The following EYA3 variants were observed in gnomAD, a reference collection of about 807,000 sequenced individuals.
The protein encoded by EYA3 is EYA transcriptional coactivator and phosphatase 3.
A neutral mutation model predicts 80.0 loss-of-function variants in EYA3; 39 were observed. The ratio of observed to expected loss-of-function variants is 0.49; its 90% CI spans 0.38 to 0.64. The LOEUF (loss-of-function observed/expected upper bound fraction) is 0.64, where lower values mean the gene tolerates loss of function less well. Ranked by LOEUF, EYA3 falls within the 30% of genes least tolerant of loss-of-function variation. EYA3 has a pLI of 0.00. For missense variants in EYA3, 523 were observed against 676.1 expected, an observed-to-expected ratio of 0.77 and a Z score of 2.51; for synonymous variants, 206 against 232.8, an observed-to-expected ratio of 0.88 and a Z score of 1.05.
chr1:28,027,221 T>C (rs1642841615), intron 7 of EYA3, among the ~76,000 whole-genome samples: 1 of 152,210 alleles, frequency 6.6e-6, no homozygotes, highest in African/African-American at 2.4e-5. Flanking sequence ...CTAATAGTCC[T>C]GTCATAATTC....
At chr1:28,082,813 T>C (rs985276569) in intron 1 of EYA3, among the ~76,000 whole-genome samples, 1 of 152,226 alleles carries the variant, frequency 6.6e-6, no homozygotes, top group African/African-American at 2.4e-5. Flanking sequence ...AAATAGTGAC[T>C]TATCTCCAAG....
At chr1:27,996,412 GA>G (rs767529459) in intron 13 of EYA3, among the ~76,000 whole-genome samples, 15 of 150,906 alleles carry the variant, frequency 9.9e-5, no homozygotes, top group Admixed American at 3.3e-4. Flanking sequence ...CGTATAAGAG[GA>G]AAAAAAACAA....
At chr1:28,061,173 G>A (rs1333555161) in intron 1 of EYA3, among the ~76,000 whole-genome samples, 1 of 152,224 alleles carries the variant, frequency 6.6e-6, no homozygotes, top group Non-Finnish European at 1.5e-5. Flanking sequence ...CATACAATGT[G>A]TGGGAAGTTT....
chr1:27,981,437 A>G (rs1366591735), intron 16 of EYA3, among the ~76,000 whole-genome samples: 4 of 152,208 alleles, frequency 2.6e-5, no homozygotes, highest in Non-Finnish European at 5.9e-5. Flanking sequence ...TGGGAGGCTC[A>G]GTGAGTGCTC....
intron 9 of EYA3, among the ~76,000 whole-genome samples, chr1:28,011,881 C>T (rs1481244310): frequency 6.6e-6 from 1 of 152,110 alleles, no homozygotes; most frequent in Non-Finnish European, 1.5e-5. Flanking sequence ...GCGATAAAAA[C>T]TGTATATGCT....
At chr1:28,087,733 T>G (rs113156082) in intron 1 of EYA3, among the ~76,000 whole-genome samples, 9,765 of 152,264 alleles carry the variant, frequency 0.064, 377 homozygotes, top group Middle Eastern at 0.11. Flanking sequence ...CTGACAGAAC[T>G]TCTTCATGAC....
At chr1:28,017,102 G>T in intron 8 of EYA3, 52 bp downstream of exon 8, 2 of 1,477,218 alleles carry the variant, frequency 1.4e-6, no homozygotes, top group South Asian at 2.3e-5. Flanking sequence ...AAAGAAGAAA[G>T]AGCAAGCTGG....
rs150955487 is a variant in EYA3, at chr1:28,035,311, A to G, written c.361+233T>C. 1.0e-3 allele frequency among the ~76,000 whole-genome samples: 158 copies of G among 152,316 alleles called. 1 individual carries two copies. The highest frequency in any genetic ancestry group is 1.6e-3 in the Non-Finnish European group (109 of 68,026). ...ATAGCAAATCCTCAAAGAATTTACC[A>G]AACACTTAAAGATTCCAAGCTTCAG... is the stretch of plus-strand genomic sequence containing the variant. On this transcript the variant is annotated intron_variant, in intron 6 of 17. Transcript: ENST00000373871.
chr1:28,082,379 C>T (rs2148958192), intron 1 of EYA3, among the ~76,000 whole-genome samples: 1 of 152,010 alleles, frequency 6.6e-6, no homozygotes, highest in South Asian at 2.1e-4. Flanking sequence ...TTTATTTGGG[C>T]TTAATAAAGG....
At chr1:28,033,640 GTATTATTAT>G (rs142552670) in intron 6 of EYA3, among the ~76,000 whole-genome samples, 5 of 141,066 alleles carry the variant, frequency 3.5e-5, no homozygotes, top group Admixed American at 1.5e-4. Flanking sequence ...CTTTTTTAAT[GTATTATTAT>G]TATTATTATT....
chr1:28,073,125 ATATTTTTTT>A (rs1213623275), intron 1 of EYA3, among the ~76,000 whole-genome samples: 9 of 32,580 alleles, frequency 2.8e-4, no homozygotes, highest in African/African-American at 1.1e-3. Context: ...ATATATATAT[ATATTTTTTT>A]TTTTTTTTTT....
At chr1:28,001,372 A>C (rs899903916) in intron 11 of EYA3, among the ~76,000 whole-genome samples, 1 of 151,434 alleles carries the variant, frequency 6.6e-6, no homozygotes, top group Non-Finnish European at 1.5e-5. Context: ...AAAGCCAAAA[A>C]TTTCACCATG....
At chr1:28,079,407 C>CT (rs978437418) in intron 1 of EYA3, among the ~76,000 whole-genome samples, 2 of 152,164 alleles carry the variant, frequency 1.3e-5, no homozygotes, top group East Asian at 1.9e-4. Context: ...CCTCAGTCCT[C>CT]TTTTTTTGGT....
At chr1:28,003,472 AAAACAAACAAAC>A (rs111781878) in intron 11 of EYA3, among the ~76,000 whole-genome samples, 1 of 152,162 alleles carries the variant, frequency 6.6e-6, no homozygotes, top group South Asian at 2.1e-4. Context: ...TCTCTCTCAA[AAAACAAACAAAC>A]AAACAAACAA....
At chr1:28,004,569 T>C in intron 10 of EYA3, 150 bp from the exon 11 acceptor site, 1 of 553,708 alleles carries the variant, frequency 1.8e-6, no homozygotes, top group Non-Finnish European at 3.3e-6. Flanking sequence ...AAAGAAGAAA[T>C]CATAAGTGAA....
chr1:28,042,025 G>A (rs962913978), intron 4 of EYA3, among the ~76,000 whole-genome samples: 4 of 152,106 alleles, frequency 2.6e-5, no homozygotes, highest in South Asian at 2.1e-4. Flanking sequence ...AGAATCACCT[G>A]GCTAACTTGT....
At chr1:27,974,567 C>T in intron 17 of EYA3, 21 bp from the exon 18 acceptor site, 1 of 1,599,232 alleles carries the variant, frequency 6.3e-7, no homozygotes, top group East Asian at 2.2e-5. Flanking sequence ...GTGGGAATAG[C>T]TGGTTAATCC....
At chr1:28,071,852 T>C (rs541290193) in intron 1 of EYA3, among the ~76,000 whole-genome samples, 1 of 152,320 alleles carries the variant, frequency 6.6e-6, no homozygotes, top group Non-Finnish European at 1.5e-5. Context: ...AATGAAACTA[T>C]AAAAGCTCAG....
intron 16 of EYA3, among the ~76,000 whole-genome samples, chr1:27,982,135 T>C (rs1348862434): frequency 6.6e-6 from 1 of 151,712 alleles, no homozygotes; most frequent in Non-Finnish European, 1.5e-5. Context: ...GCCTCCTAAG[T>C]AGCCAGGACT....
Sources: allele counts gnomAD v4.1 joint callset (sites outside exome capture counted in the v4.1 genomes callset), GRCh38; gene constraint gnomAD v4.1.1; transcripts MANE v1.5; gene names NCBI Gene and HGNC (gene_info 2026-07-23, HGNC 2026-07-21).